Variants in EVI5 observed in about 807,000 individuals in gnomAD.
The protein encoded by EVI5 is ecotropic viral integration site 5 protein homolog.
EVI5 carries 73 observed loss-of-function variants against 112.0 expected under a neutral mutation model. The observed-to-expected ratio is 0.65, with a 90% CI of 0.54 to 0.79. The LOEUF (loss-of-function observed/expected upper bound fraction) is 0.79, where lower values mean the gene tolerates loss of function less well. EVI5 is among the 30% of genes least tolerant of loss of function. The pLI is 0.00. For missense variants in EVI5, 900 were observed against 968.8 expected, an observed-to-expected ratio of 0.93 and a Z score of 0.94; for synonymous variants, 305 against 319.9, an observed-to-expected ratio of 0.95 and a Z score of 0.50.
Position 92,675,483 on chromosome 1 carries a change from T to C in EVI5, c.1158+1675A>G, listed in dbSNP as rs1376541447. On this transcript the variant is annotated intron_variant, in intron 10 of 19. Transcript: ENST00000684568. ...AGAGTAAGGATTGTTCATAGAACTG[T>C]GATTTTTTTTTCAATAATATAGTGT... 7.2e-5 allele frequency among the ~76,000 whole-genome samples: 11 copies of C among 152,184 alleles called. No homozygotes were observed. The East Asian group carries it at 2.1e-3, about 29-fold the overall frequency.
chr1:92,552,017 C>T (rs1330259208), intron 19 of EVI5, among the ~76,000 whole-genome samples: 2 of 150,602 alleles, frequency 1.3e-5, no homozygotes, highest in Non-Finnish European at 2.9e-5. Context: ...TTTTTGGCTA[C>T]ATTTGAAATC....
chr1:92,540,246 A>G (rs1352615420), intron 19 of EVI5, among the ~76,000 whole-genome samples: 1 of 152,186 alleles, frequency 6.6e-6, no homozygotes, highest in African/African-American at 2.4e-5. Flanking sequence ...TATGTTTACC[A>G]TTTGAGGACC....
intron 2 of EVI5, among the ~76,000 whole-genome samples, chr1:92,726,251 C>T (rs1036707566): frequency 6.6e-6 from 1 of 152,116 alleles, no homozygotes; most frequent in Non-Finnish European, 1.5e-5. Flanking sequence ...AACAATGACA[C>T]CTCAGAATCA....
chr1:92,591,700 C>T (rs757806830), intron 18 of EVI5, among the ~76,000 whole-genome samples: 3 of 151,680 alleles, frequency 2.0e-5, no homozygotes, highest in Non-Finnish European at 3.0e-5. Context: ...TTAGACAGAT[C>T]GAGACAGAAA....
intron 6 of EVI5, among the ~76,000 whole-genome samples, chr1:92,696,172 C>T (rs1670292109): frequency 3.3e-5 from 5 of 152,008 alleles, no homozygotes; most frequent in Admixed American, 3.3e-4. Flanking sequence ...GCTCAAGTGA[C>T]CTGTCCACCT....
intron 5 of EVI5, 77 bp from the exon 6 acceptor site, chr1:92,698,062 T>C (rs1481980637): frequency 2.2e-6 from 3 of 1,346,154 alleles, no homozygotes; most frequent in Non-Finnish European, 2.1e-6. Flanking sequence ...TTAAACTAAG[T>C]ACACAGCCAA....
chr1:92,787,574 AAAAATACAAAAAAAAAT>A (rs979963394), upstream of EVI5, among the ~76,000 whole-genome samples: 13 of 152,142 alleles, frequency 8.5e-5, no homozygotes, highest in Non-Finnish European at 1.3e-4. Flanking sequence ...TTTACAAAAA[AAAAATACAAAAAAAAAT>A]TTAGACAGGT....
chr1:92,776,626 C>G (rs902441002), intron 1 of EVI5, among the ~76,000 whole-genome samples: 1 of 151,312 alleles, frequency 6.6e-6, no homozygotes, highest in African/African-American at 2.4e-5. Flanking sequence ...AATGATAACA[C>G]CATCATGACT....
chr1:92,680,007 T>C (rs1179416093), intron 9 of EVI5, among the ~76,000 whole-genome samples: 3 of 152,254 alleles, frequency 2.0e-5, no homozygotes, highest in African/African-American at 7.2e-5. Flanking sequence ...CCTTCACTGA[T>C]AGTGTTTTTA....
At chr1:92,548,679 A>G (rs1666237824) in intron 19 of EVI5, among the ~76,000 whole-genome samples, 1 of 152,212 alleles carries the variant, frequency 6.6e-6, no homozygotes, top group Non-Finnish European at 1.5e-5. Context: ...TGCAAAAATC[A>G]CAAGCATTCT....
intron 18 of EVI5, among the ~76,000 whole-genome samples, chr1:92,576,938 T>C (rs1006882557): frequency 2.0e-5 from 3 of 152,186 alleles, no homozygotes; most frequent in African/African-American, 7.2e-5. Flanking sequence ...AAACCTGGAA[T>C]TCCCTTTGTA....
Position 92,578,484 on chromosome 1 carries a change from G to A in EVI5, c.2071-14747C>T, listed in dbSNP as rs369665934. On this transcript the variant is annotated intron_variant, in intron 18 of 19. Transcript: ENST00000684568. ...TAATCTCAGCACTATGGGAGGCTGA[G>A]GCGGGCGGATTACGAGGTCAGGAGA... Among the ~76,000 whole-genome samples, 130 of 152,218 alleles carry A rather than the reference G, an allele frequency of 8.5e-4. 2 individuals carry two copies. Among genetic ancestry groups the A allele is most frequent in the African/African-American group, 3.0e-3 (125 of 41,514 alleles).
At chr1:92,758,923 G>A (rs1174901832) in intron 1 of EVI5, among the ~76,000 whole-genome samples, 1 of 152,002 alleles carries the variant, frequency 6.6e-6, no homozygotes, top group Non-Finnish European at 1.5e-5. Flanking sequence ...GACAAATACT[G>A]TCTAATGTAA....
chr1:92,576,211 T>A lies in EVI5; in HGVS notation c.2071-12474A>T, dbSNP rs543261736. On this transcript the variant is annotated intron_variant, in intron 18 of 19. Coordinates refer to ENST00000684568, the MANE Select transcript of EVI5 (RefSeq NM_001350197.2). The stretch of plus-strand genomic sequence containing the variant: ...CCTTAGAGTCATATGTATGATATTA[T>A]GTATACATGTCCTACACATATGTAT... Among the ~76,000 whole-genome samples, 22 of 151,370 alleles carry A rather than the reference T, an allele frequency of 1.5e-4. 1 individual carries two copies. The East Asian group carries it at 4.0e-3, about 28-fold the overall frequency.
chr1:92,767,757 A>G (rs964711223), intron 1 of EVI5, among the ~76,000 whole-genome samples: 3 of 152,178 alleles, frequency 2.0e-5, no homozygotes, highest in Non-Finnish European at 2.9e-5. Flanking sequence ...CTGTTGTAAC[A>G]TTCCAGGAAA....
At chr1:92,726,848 C>A (rs891496418) in intron 2 of EVI5, among the ~76,000 whole-genome samples, 12 of 151,914 alleles carry the variant, frequency 7.9e-5, no homozygotes, top group African/African-American at 2.9e-4. Context: ...GTGGTATAAC[C>A]CTCAAAGTCA....
intron 10 of EVI5, among the ~76,000 whole-genome samples, chr1:92,675,896 C>A (rs1483626129): frequency 1.4e-5 from 2 of 147,528 alleles, no homozygotes; most frequent in Admixed American, 6.8e-5. Context: ...GCGGAGCTTG[C>A]AGTGAGCCAA....
At chr1:92,767,064 C>T (rs1184950456) in intron 1 of EVI5, among the ~76,000 whole-genome samples, 1 of 119,564 alleles carries the variant, frequency 8.4e-6, no homozygotes, top group African/African-American at 3.4e-5. Flanking sequence ...GCCTGGGAGA[C>T]AGAGCAAGAC....
In EVI5 at chr1:92,755,847, G is replaced by A. The variant is rs72956041; in HGVS notation, c.-81-19220C>T. 407 of 159,478 alleles carry A rather than the reference G, an allele frequency of 2.6e-3. 1 individual carries two copies. The highest frequency in any genetic ancestry group is 8.7e-3 in the African/African-American group (364 of 41,672). 9.9% of individuals were successfully genotyped at this position (159,478 alleles called of 1,614,324 possible). ...GAAGCAGTGATGGCGAGGAGAGCTG[G>A]CTGCCAATATTCACCGAGCACTTGG... On this transcript the variant is annotated intron_variant, in intron 1 of 19. Transcript: ENST00000684568.
Sources: allele counts gnomAD v4.1 joint callset (sites outside exome capture counted in the v4.1 genomes callset), GRCh38; gene constraint gnomAD v4.1.1; transcripts MANE v1.5; gene names NCBI Gene and HGNC (gene_info 2026-07-23, HGNC 2026-07-21).